EPDR1: variants seen among roughly 807,000 people sequenced by gnomAD.
EPDR1 encodes ependymin related 1.
A neutral mutation model predicts 23.7 loss-of-function variants in EPDR1; 27 were observed. The ratio of observed to expected loss-of-function variants is 1.14; its 90% CI spans 0.84 to 1.57. The LOEUF is 1.57. Ranked by LOEUF, EPDR1 falls within the 40% of genes most tolerant of loss-of-function variation. EPDR1 has a pLI of 0.00. For missense variants in EPDR1, 349 were observed against 290.4 expected (o/e 1.20, Z -1.47); for synonymous variants, 137 against 118.2 (o/e 1.16, Z -1.03).
chr7:37,927,264 T>C (rs995685463), intron 1 of EPDR1, among the ~76,000 whole-genome samples: 2 of 152,214 alleles, frequency 1.3e-5, no homozygotes, highest in African/African-American at 4.8e-5. Flanking sequence ...CACACACTCA[T>C]ACATATATAC....
At chr7:37,942,477 T>G (rs1165114642) in intron 1 of EPDR1, among the ~76,000 whole-genome samples, 2 of 152,004 alleles carry the variant, frequency 1.3e-5, no homozygotes, top group Non-Finnish European at 2.9e-5. Context: ...GGATATAGAG[T>G]TTCAATTTTG....
chr7:37,938,308 G>A (rs1020929343), intron 1 of EPDR1, among the ~76,000 whole-genome samples: 1 of 152,072 alleles, frequency 6.6e-6, no homozygotes, highest in African/African-American at 2.4e-5. Flanking sequence ...TATTTTTAAA[G>A]ATTAGGAAAC....
chr7:37,935,540 G>A (rs140950978), intron 1 of EPDR1, among the ~76,000 whole-genome samples: 240 of 152,230 alleles, frequency 1.6e-3, no homozygotes, highest in African/African-American at 5.4e-3. Flanking sequence ...CTCTCCATAT[G>A]AGAAGTAGAG....
intron 1 of EPDR1, among the ~76,000 whole-genome samples, chr7:37,940,996 G>A (rs1786162369): frequency 6.6e-6 from 1 of 152,140 alleles, no homozygotes; most frequent in African/African-American, 2.4e-5. Context: ...GCCACCTTGT[G>A]TCGTAGAACA....
chr7:37,924,827 C>T (rs73693209), intron 1 of EPDR1, among the ~76,000 whole-genome samples: 1,978 of 152,194 alleles, frequency 0.013, 45 homozygotes, highest in African/African-American at 0.045. Flanking sequence ...ACAGTCTGGC[C>T]AAGCAACCAG....
chr7:37,945,384 C>G (rs765554785), intron 1 of EPDR1, among the ~76,000 whole-genome samples: 1 of 152,058 alleles, frequency 6.6e-6, no homozygotes, highest in African/African-American at 2.4e-5. Context: ...CCTTGTAAGC[C>G]GTTTCAAATC....
chr7:37,944,270 T>C lies in EPDR1; in HGVS notation c.270-4570T>C, dbSNP rs577938395. 1.2e-4 allele frequency among the ~76,000 whole-genome samples: 19 copies of C among 152,304 alleles called. No homozygotes were observed. The South Asian group carries it at 3.9e-3, about 32-fold the overall frequency. ...CCTATTCCATTTGCGTTTTGGAAAA[T>C]AGCCTCCCTCAGCTTCGAAATTTAC... On this transcript the variant is annotated intron_variant, in intron 1 of 2. Transcript: ENST00000199448.
rs1786339608 is a variant in EPDR1, at chr7:37,949,002, G to A, written c.432G>A (p.Glu144=). The A allele has an allele frequency of 1.9e-6, 3 of 1,614,070 alleles. No homozygotes were observed. The highest frequency in any genetic ancestry group is 1.3e-5 in the African/African-American group (1 of 74,928). Residue 144 remains glutamate (E), a synonymous_variant, in exon 2 of 3, where the codon GAG becomes GAA. Transcript: ENST00000199448. ...AGTACTCCATCGGGGGGCCTCAGGA[G>A]CAGATCACCGTCCAGGAGTGGTCGG... is the stretch of plus-strand genomic sequence containing the variant. ...EDQYSIGGPQ[E]QITVQEWSDR...
intron 1 of EPDR1, among the ~76,000 whole-genome samples, chr7:37,945,951 C>T (rs563931116): frequency 3.9e-5 from 6 of 152,150 alleles, no homozygotes; most frequent in Non-Finnish European, 7.3e-5. Flanking sequence ...ATTCAGCTCC[C>T]GCTTATAAGT....
chr7:37,935,863 AT>A (rs879793922), intron 1 of EPDR1, among the ~76,000 whole-genome samples: 3 of 150,650 alleles, frequency 2.0e-5, no homozygotes, highest in Non-Finnish European at 4.4e-5. Flanking sequence ...CATTCTATAA[AT>A]TTTTTTGCTG....
chr7:37,934,231 C>T (rs1724013042), intron 1 of EPDR1, among the ~76,000 whole-genome samples: 1 of 152,180 alleles, frequency 6.6e-6, no homozygotes, highest in Admixed American at 6.5e-5. Context: ...CTGCCTTGGC[C>T]TCCCAAAGTG....
intron 1 of EPDR1, among the ~76,000 whole-genome samples, chr7:37,927,935 G>A (rs972974081): frequency 9.2e-5 from 14 of 152,084 alleles, no homozygotes; most frequent in East Asian, 7.7e-4. Flanking sequence ...CTTGAGTTTC[G>A]CAATATTTGA....
chr7:37,937,984 A>ATTTTTTTTTTTTTTTTTTTTTTT (rs1347900474), intron 1 of EPDR1, among the ~76,000 whole-genome samples: 4 of 62,240 alleles, frequency 6.4e-5, no homozygotes, highest in East Asian at 9.3e-4. Flanking sequence ...GTGCCCTTTA[A>ATTTTTTTTTTTTTTTTTTTTTTT]ATTTTTTTTT....
At chr7:37,935,932 A>G (rs1249551245) in intron 1 of EPDR1, among the ~76,000 whole-genome samples, 1 of 146,834 alleles carries the variant, frequency 6.8e-6, no homozygotes, top group Non-Finnish European at 1.5e-5. Context: ...AGCATCATTA[A>G]TATTAACAAA....
intron 1 of EPDR1, among the ~76,000 whole-genome samples, chr7:37,931,783 C>T (rs997786044): frequency 1.4e-4 from 21 of 152,158 alleles, no homozygotes; most frequent in African/African-American, 4.3e-4. Context: ...ACTGCAACCT[C>T]CACCTCCTGG....
At chr7:37,924,979 T>A (rs1399127028) in intron 1 of EPDR1, among the ~76,000 whole-genome samples, 1 of 152,230 alleles carries the variant, frequency 6.6e-6, no homozygotes, top group African/African-American at 2.4e-5. Flanking sequence ...ATAGTTACTG[T>A]GGAATGACTA....
intron 1 of EPDR1, among the ~76,000 whole-genome samples, chr7:37,931,576 G>A (rs113556801): frequency 1.2e-3 from 176 of 152,014 alleles, no homozygotes; most frequent in African/African-American, 4.0e-3. Context: ...ATTTGGTTTC[G>A]TTTCAATAAT....
intron 1 of EPDR1, among the ~76,000 whole-genome samples, chr7:37,934,460 T>C (rs1786010342): frequency 6.6e-6 from 1 of 151,964 alleles, no homozygotes; most frequent in African/African-American, 2.4e-5. Flanking sequence ...TTTTTCTTTT[T>C]CCTTTGAGAA....
chr7:37,922,666 A>AGG (rs67556012), intron 1 of EPDR1, among the ~76,000 whole-genome samples: 3 of 149,478 alleles, frequency 2.0e-5, no homozygotes, highest in South Asian at 4.2e-4. Context: ...TGAGGAAGCT[A>AGG]GGGGGGGGTT....
Sources: allele counts gnomAD v4.1 joint callset (sites outside exome capture counted in the v4.1 genomes callset), GRCh38; gene constraint gnomAD v4.1.1; transcripts MANE v1.5; gene names NCBI Gene and HGNC (gene_info 2026-07-23, HGNC 2026-07-21).